The following GALNT15 variants were observed in gnomAD, a reference collection of about 807,000 sequenced individuals.
The protein encoded by GALNT15 is polypeptide N-acetylgalactosaminyltransferase 15.
GALNT15 carries 67 observed loss-of-function variants against 66.8 expected under a neutral mutation model. The ratio of observed to expected loss-of-function variants is 1.00; its 90% CI spans 0.82 to 1.23. The LOEUF (loss-of-function observed/expected upper bound fraction) is 1.23, where lower values mean the gene tolerates loss of function less well. Ranked by LOEUF, GALNT15 falls within the 50% of genes most tolerant of loss-of-function variation. GALNT15 has a pLI of 0.00. For synonymous variants in GALNT15, 313 were observed against 311.5 expected (o/e 1.00, Z -0.05); for missense variants, 827 against 804.3 (o/e 1.03, Z -0.34).
At position 16,181,715 on chromosome 3, in the gene GALNT15, C is replaced by A. The variant is rs570639026; in HGVS notation, c.539+6025C>A. On this transcript the variant is annotated intron_variant, in intron 1 of 9. Coordinates refer to ENST00000339732, the MANE Select transcript of GALNT15 (RefSeq NM_054110.5). The surrounding 1 kb of genome is among the most constrained non-coding windows in gnomAD (Gnocchi z 5.9). ...CAGACATGCCCTTCGGGATGAGGGA[C>A]AAGAACAGGAACAAGCTGGGCTTGA... Among the ~76,000 whole-genome samples, 7 of 152,244 alleles carry A rather than the reference C, an allele frequency of 4.6e-5. No homozygotes were observed. The South Asian group carries it at 1.5e-3, about 32-fold the overall frequency.
At chr3:16,244,010 T>C in the GALNT15 span, 1 of 985,332 alleles carries the variant, frequency 1.0e-6, no homozygotes, top group Non-Finnish European at 1.2e-6. Flanking sequence ...TCAGGTCTCA[T>C]AAGACACAGG....
In GALNT15 at chr3:16,225,964, G is replaced by A. The variant is rs191453024; in HGVS notation, c.1774-1390G>A. 2.6e-5 allele frequency among the ~76,000 whole-genome samples: 4 copies of A among 151,240 alleles called. No homozygotes were observed. Among genetic ancestry groups the A allele is most frequent in the African/African-American group, 9.7e-5 (4 of 41,166 alleles). On this transcript the variant is annotated intron_variant, in intron 9 of 9. Coordinates refer to ENST00000339732, the MANE Select transcript of GALNT15 (RefSeq NM_054110.5). The surrounding 1 kb of genome is among the most constrained non-coding windows in gnomAD (Gnocchi z 4.4). ...CACGGGAGGCTGCAGTAGGAGAATC[G>A]CTTGAACCTGGGAGATGGAGGTTGC...
chr3:16,229,879 C>A lies in GALNT15; in HGVS notation c.*2379C>A. 2.7e-6 allele frequency: 1 copy of A among 366,184 alleles called. No homozygotes were observed. Among genetic ancestry groups the A allele is most frequent in the Non-Finnish European group, 3.8e-6 (1 of 264,010 alleles). 22.7% of individuals were successfully genotyped at this position (366,184 alleles called of 1,614,324 possible). ...ATTTATTACTTTATTGCAGAAGTGG[C>A]TGTCAACTCAGTCCCTGGCTGGTAT... On this transcript the variant is annotated 3_prime_UTR_variant, in exon 10 of 10. Coordinates refer to ENST00000339732, the MANE Select transcript of GALNT15 (RefSeq NM_054110.5).
At chr3:16,178,107 T>C (rs1486706517) in intron 1 of GALNT15, among the ~76,000 whole-genome samples, 1 of 152,180 alleles carries the variant, frequency 6.6e-6, no homozygotes, top group Non-Finnish European at 1.5e-5. Flanking sequence ...TGTGCGTATG[T>C]ATTCTTTGTG....
chr3:16,227,302 T>A lies in GALNT15; in HGVS notation c.1774-52T>A. ...AAATCTTAAAAATATTTTCTTTTGC[T>A]GACTGATTGTGGGGGACTGGTTTTC... On this transcript the variant is annotated intron_variant, in intron 9 of 9. Transcript: ENST00000339732. The surrounding 1 kb of genome is among the most constrained non-coding windows in gnomAD (Gnocchi z 4.5). 2 of 1,565,784 alleles carry A rather than the reference T, an allele frequency of 1.3e-6. No homozygotes were observed. The highest frequency in any genetic ancestry group is 1.7e-6 in the Non-Finnish European group (2 of 1,156,298).
At chr3:16,210,247 A>G (rs1450950545) in intron 4 of GALNT15, among the ~76,000 whole-genome samples, 1 of 152,268 alleles carries the variant, frequency 6.6e-6, no homozygotes, top group Non-Finnish European at 1.5e-5. Flanking sequence ...AAAGACACAT[A>G]GCCCACCTAA....
chr3:16,241,256 C>T, the GALNT15 span, among the ~76,000 whole-genome samples: 11,742 of 152,202 alleles, frequency 0.077, 610 homozygotes, highest in African/African-American at 0.14. The surrounding 1 kb of genome is among the most constrained non-coding windows in gnomAD (Gnocchi z 4.6). Flanking sequence ...TTGACAGGCA[C>T]GTAATACATG....
intron 6 of GALNT15, 74 bp downstream of exon 6, chr3:16,212,837 C>G: frequency 7.5e-7 from 1 of 1,328,778 alleles, no homozygotes; most frequent in Non-Finnish European, 1.0e-6. Flanking sequence ...GGGAGGGCTC[C>G]TTTCTCTTGC....
chr3:16,231,838 C>G, downstream of GALNT15: 1 of 1,536,324 alleles, frequency 6.5e-7, no homozygotes, highest in South Asian at 1.2e-5. The surrounding 1 kb of genome is among the most constrained non-coding windows in gnomAD (Gnocchi z 4.1). Flanking sequence ...TTATCAAAGG[C>G]CTTTAACTTT....
chr3:16,209,055 T>G lies in GALNT15; in HGVS notation c.1079+385T>G, dbSNP rs1412893117. ...CTCTCTCATCAGGTACAGTGTGAAT[T>G]CCTCAGGTCTCGTCTTAGCAAATAG... is the stretch of plus-strand genomic sequence containing the variant. On this transcript the variant is annotated intron_variant, in intron 4 of 9. Coordinates refer to ENST00000339732, the MANE Select transcript of GALNT15 (RefSeq NM_054110.5). This position sits in a 1 kb window ranked among gnomAD's most constrained non-coding sequence, Gnocchi z 4.1. Among the ~76,000 whole-genome samples, 2 of 152,188 alleles carry G rather than the reference T, an allele frequency of 1.3e-5. No individual in the cohort carries two copies. The highest frequency in any genetic ancestry group is 2.9e-5 in the Non-Finnish European group (2 of 68,032).
At chr3:16,238,042 A>G in the GALNT15 span, among the ~76,000 whole-genome samples, 1 of 152,200 alleles carries the variant, frequency 6.6e-6, no homozygotes, top group Non-Finnish European at 1.5e-5. The surrounding 1 kb of genome is among the most constrained non-coding windows in gnomAD (Gnocchi z 4.8). Context: ...CTACACTGTT[A>G]TTCAGTACGG....
rs142332771 is a variant in GALNT15, at chr3:16,187,596, A to G, written c.540-8164A>G. 2.6e-5 allele frequency among the ~76,000 whole-genome samples: 4 copies of G among 152,222 alleles called. No individual in the cohort carries two copies. The highest frequency in any genetic ancestry group is 4.4e-5 in the Non-Finnish European group (3 of 68,038). ...GGAATTCTCGAATGTCACTTCTAGT[A>G]CATTCTATTGGTCTAAGGAAGGCAC... On this transcript the variant is annotated intron_variant, in intron 1 of 9. Coordinates refer to ENST00000339732, the MANE Select transcript of GALNT15 (RefSeq NM_054110.5). This position sits in a 1 kb window ranked among gnomAD's most constrained non-coding sequence, Gnocchi z 5.1.
chr3:16,235,131 G>A (rs1344907170), downstream of GALNT15, among the ~76,000 whole-genome samples: 4 of 152,008 alleles, frequency 2.6e-5, no homozygotes, highest in African/African-American at 9.7e-5. Flanking sequence ...CAACATTTTA[G>A]CCAGGATGGT....
Position 16,212,517 on chromosome 3 carries a change from G to A in GALNT15, c.1198-52G>A, listed in dbSNP as rs143119163. Reference sequence around the variant, plus strand: ...TCATAGATAGGGCTCCCTATTTCCCGCCGTTCTTAAAGGTGGAATGCTGAG... The same window carrying A: ...TCATAGATAGGGCTCCCTATTTCCCACCGTTCTTAAAGGTGGAATGCTGAG... On this transcript the variant is annotated intron_variant, in intron 5 of 9. Coordinates refer to ENST00000339732, the MANE Select transcript of GALNT15 (RefSeq NM_054110.5). 1.7e-4 allele frequency: 258 copies of A among 1,542,210 alleles called. No individual in the cohort carries two copies. In the African/African-American group the frequency reaches 2.6e-3, roughly 16 times the overall value.
At chr3:16,232,497 T>A (rs1426153448), downstream of GALNT15, among the ~76,000 whole-genome samples, 1 of 87,100 alleles carries the variant, frequency 1.1e-5, no homozygotes, top group African/African-American at 4.9e-5. Context: ...TATATATATA[T>A]ATATATATAT....
Position 16,175,522 on chromosome 3 carries a change from G to C in GALNT15, c.371G>C (p.Arg124Thr). 6.2e-7 allele frequency: 1 copy of C among 1,614,070 alleles called. No individual in the cohort carries two copies. Among genetic ancestry groups the C allele is most frequent in the African/African-American group, 1.3e-5 (1 of 75,042 alleles). The change falls in exon 1 of 10, where the codon AGG becomes ACG. Residue 124 changes from arginine (R) to threonine (T), a missense_variant. Physicochemically the swap from Arg to Thr is moderately conservative, Grantham distance 71 (BLOSUM62 -1). Coordinates refer to ENST00000339732, the MANE Select transcript of GALNT15 (RefSeq NM_054110.5). This position sits in a 1 kb window ranked among gnomAD's most constrained non-coding sequence, Gnocchi z 5.6. ...AGCTACCGCCTCATCAAGCAGCCAA[G>C]GAGGCAGGATAAGGAAGCCCCAAAG... ...GGSYRLIKQPRRQDKEAPKRD... is the reference protein window; with the variant it reads ...GGSYRLIKQPTRQDKEAPKRD...
At chr3:16,234,339 C>T (rs748518337), downstream of GALNT15, among the ~76,000 whole-genome samples, 11 of 151,348 alleles carry the variant, frequency 7.3e-5, no homozygotes, top group East Asian at 3.9e-4. Flanking sequence ...TTTTTTCTTC[C>T]GCGAAAGCCA....
rs142923266 is a variant in GALNT15, at chr3:16,204,229, T to A, written c.911+3406T>A. On this transcript the variant is annotated intron_variant, in intron 3 of 9. Coordinates refer to ENST00000339732, the MANE Select transcript of GALNT15 (RefSeq NM_054110.5). The surrounding 1 kb of genome is among the most constrained non-coding windows in gnomAD (Gnocchi z 4.5). ...CCCACTAGCCATGTGGCAACTTTAT[T>A]TGAATTGGTAGAAATCCCTTCCTCA... Among the ~76,000 whole-genome samples, 9 of 152,288 alleles carry A rather than the reference T, an allele frequency of 5.9e-5. No individual in the cohort carries two copies. In the East Asian group the frequency reaches 1.7e-3, roughly 29 times the overall value.
chr3:16,195,888 T>A lies in GALNT15; in HGVS notation c.668T>A (p.Leu223Gln). Residue 223 changes from leucine to glutamine, a missense_variant, in exon 2 of 10, where the codon CTG (leucine) becomes CAG (glutamine). By Grantham distance (113) the Leu-to-Gln change is moderately radical. Transcript: ENST00000339732. This position sits in a 1 kb window ranked among gnomAD's most constrained non-coding sequence, Gnocchi z 4.6. ...SILDTVPRAF[L>Q]KEIILVDDLS... ...CTCGACACAGTGCCCAGGGCCTTCC[T>A]GAAGGAGATCATCCTCGTGGACGAC... 6.2e-7 allele frequency: 1 copy of A among 1,614,134 alleles called. No individual in the cohort carries two copies. The highest frequency in any genetic ancestry group is 8.5e-7 in the Non-Finnish European group (1 of 1,180,006).
Sources: allele counts gnomAD v4.1 joint callset (sites outside exome capture counted in the v4.1 genomes callset), GRCh38; gene constraint gnomAD v4.1.1; non-coding constraint Gnocchi (gnomAD v3.1); transcripts MANE v1.5; gene names NCBI Gene and HGNC (gene_info 2026-07-23, HGNC 2026-07-21).